The following DTNA variants were observed in gnomAD, a reference collection of about 807,000 sequenced individuals.
DTNA encodes the protein dystrobrevin alpha.
DTNA carries 43 observed loss-of-function variants against 100.7 expected under a neutral mutation model. The observed-to-expected ratio is 0.43, with a 90% CI of 0.33 to 0.55. The LOEUF is 0.55. Among genes scored for constraint, DTNA ranks in the 20% least tolerant of loss-of-function variants. DTNA has a pLI of 0.04. For synonymous variants in DTNA, 349 were observed against 347.9 expected (o/e 1.00, Z -0.04); for missense variants, 798 against 953.9 (o/e 0.84, Z 2.15).
Position 34,888,772 on chromosome 18 carries a change from C to G in DTNA, c.*1038C>G. The G allele has an allele frequency of 1.0e-6, 1 of 985,878 alleles. No homozygotes were observed. The highest frequency in any genetic ancestry group is 1.2e-6 in the Non-Finnish European group (1 of 829,938). 61.1% of individuals were successfully genotyped at this position (985,878 alleles called of 1,614,324 possible). On this transcript the variant is annotated 3_prime_UTR_variant, in exon 23 of 23. Coordinates refer to ENST00000444659, the MANE Select transcript of DTNA (RefSeq NM_001386795.1). ...AGGAAGCATGTCTTTAACAGCACCG[C>G]TCGTTCACAAGTTCCCCCATCAAGT...
intron 1 of DTNA, among the ~76,000 whole-genome samples, chr18:34,549,275 C>A (rs578068869): frequency 4.6e-5 from 7 of 152,162 alleles, no homozygotes; most frequent in South Asian, 4.2e-4. Flanking sequence ...CTTTAAATCC[C>A]ATCATACAAG....
rs191495525 is a variant in DTNA at position 34,594,127 on chromosome 18, G to A, written c.-2+100613G>A. Reference sequence around the variant, plus strand: ...AGTGTTATCTCATTAATTCCAAGCAGGTTCCCCTCCTTCAGGAAAAAAAAA... The same window carrying A: ...AGTGTTATCTCATTAATTCCAAGCAAGTTCCCCTCCTTCAGGAAAAAAAAA... On this transcript the variant is annotated intron_variant, in intron 1 of 19. Transcript: ENST00000283365. 2.6e-3 allele frequency among the ~76,000 whole-genome samples: 388 copies of A among 151,518 alleles called. 4 individuals are homozygous for A. The highest frequency in any genetic ancestry group is 8.8e-3 in the African/African-American group (361 of 41,156).
intron 3 of DTNA, among the ~76,000 whole-genome samples, chr18:34,784,148 C>T (rs558147484): frequency 6.6e-6 from 1 of 152,140 alleles, no homozygotes; most frequent in African/African-American, 2.4e-5. Flanking sequence ...AAGAACAGCC[C>T]GGGTTTCCAC....
At chr18:34,561,899 T>C (rs2046671335) in intron 1 of DTNA, among the ~76,000 whole-genome samples, 1 of 152,218 alleles carries the variant, frequency 6.6e-6, no homozygotes, top group South Asian at 2.1e-4. Context: ...TACTTATACT[T>C]GTGCCGACGG....
At position 34,818,532 on chromosome 18, in the gene DTNA, T is replaced by TCTCTTCC; in HGVS notation, c.876+202_876+203insCTCTTCC. ...TGGAACCCAGTGTAGCTTCCTGAGATTTAAAATATAGGAAGACTCAAAACT... is the reference window on the plus strand; with the variant it reads ...TGGAACCCAGTGTAGCTTCCTGAGATCTCTTCCTTAAAATATAGGAAGACTCAAAACT... On this transcript the variant is annotated intron_variant, in intron 8 of 22. Coordinates refer to ENST00000444659, the MANE Select transcript of DTNA (RefSeq NM_001386795.1). The TCTCTTCC allele has an allele frequency of 2.1e-6, 3 of 1,452,716 alleles. No individual in the cohort carries two copies. In the South Asian group the frequency reaches 4.2e-5, roughly 20 times the overall value. 90.0% of individuals were successfully genotyped at this position (1,452,716 alleles called of 1,614,324 possible). A position where few individuals can be genotyped will look rare whatever the true frequency, so the allele number is the denominator to read the frequency against.
intron 3 of DTNA, among the ~76,000 whole-genome samples, chr18:34,790,549 C>CTATATATATATATATATATATATATA (rs67141918): frequency 4.2e-5 from 4 of 96,196 alleles, no homozygotes; most frequent in African/African-American, 1.9e-4. Flanking sequence ...AAGCAGCATA[C>CTATATATATATATATATATATATATA]TATATATATA....
At chr18:34,703,623 A>T (rs1298851246) in intron 1 of DTNA, among the ~76,000 whole-genome samples, 2 of 152,194 alleles carry the variant, frequency 1.3e-5, no homozygotes, top group African/African-American at 4.8e-5. Flanking sequence ...GATTGACTCC[A>T]GGGATCTCTG....
intron 1 of DTNA, among the ~76,000 whole-genome samples, chr18:34,727,954 G>C (rs1028331003): frequency 2.0e-5 from 3 of 152,078 alleles, no homozygotes; most frequent in South Asian, 2.1e-4. Flanking sequence ...TAAGAGGGAG[G>C]GGGGGAAAAG....
intron 1 of DTNA, among the ~76,000 whole-genome samples, chr18:34,632,138 T>G (rs1363095800): frequency 6.6e-6 from 1 of 152,208 alleles, no homozygotes; most frequent in African/African-American, 2.4e-5. Context: ...TTAATCCATT[T>G]GTAATGTAAA....
chr18:34,612,228 C>T (rs2054357820), intron 1 of DTNA, among the ~76,000 whole-genome samples: 1 of 152,216 alleles, frequency 6.6e-6, no homozygotes, highest in Admixed American at 6.5e-5. Flanking sequence ...TCTACGCGTG[C>T]CTGGACCTTG....
At chr18:34,545,118 A>T (rs1468925548) in intron 1 of DTNA, among the ~76,000 whole-genome samples, 1 of 152,032 alleles carries the variant, frequency 6.6e-6, no homozygotes, top group East Asian at 1.9e-4. Context: ...ACCAAATTTC[A>T]ATTTAGAGCT....
intron 13 of DTNA, among the ~76,000 whole-genome samples, chr18:34,840,270 GTA>G (rs2096244011): frequency 6.6e-6 from 1 of 152,104 alleles, no homozygotes. Flanking sequence ...AGATTAAATA[GTA>G]TCCACTTTTT....
At chr18:34,719,444 G>T (rs1197183143) in intron 1 of DTNA, among the ~76,000 whole-genome samples, 1 of 152,114 alleles carries the variant, frequency 6.6e-6, no homozygotes, top group African/African-American at 2.4e-5. Context: ...TTTTACAGAT[G>T]AAGAAATTAA....
intron 3 of DTNA, among the ~76,000 whole-genome samples, chr18:34,785,312 C>G (rs1011283610): frequency 6.6e-6 from 1 of 152,118 alleles, no homozygotes; most frequent in Non-Finnish European, 1.5e-5. Flanking sequence ...GGAAAACAAA[C>G]CTCAAGTTAT....
intron 4 of DTNA, among the ~76,000 whole-genome samples, chr18:34,804,855 G>A (rs927018244): frequency 6.6e-6 from 1 of 152,122 alleles, no homozygotes; most frequent in African/African-American, 2.4e-5. Flanking sequence ...ATTCTGGCTG[G>A]TTGTATTTGA....
intron 1 of DTNA, among the ~76,000 whole-genome samples, chr18:34,588,313 T>G (rs2049343538): frequency 6.6e-6 from 1 of 152,122 alleles, no homozygotes; most frequent in Non-Finnish European, 1.5e-5. Context: ...AAACCTCTTT[T>G]TGAGATCCTG....
intron 4 of DTNA, among the ~76,000 whole-genome samples, chr18:34,801,897 C>G (rs1049585767): frequency 2.6e-5 from 4 of 152,206 alleles, no homozygotes. Context: ...ATTAACTGTA[C>G]TAGCAGCCTT....
intron 1 of DTNA, among the ~76,000 whole-genome samples, chr18:34,739,636 A>G (rs2147676930): frequency 6.6e-6 from 1 of 152,292 alleles, no homozygotes; most frequent in East Asian, 1.9e-4. Flanking sequence ...GGCATTCTAA[A>G]GTGTTTTTTA....
intron 1 of DTNA, among the ~76,000 whole-genome samples, chr18:34,538,172 G>A (rs1451785391): frequency 6.6e-6 from 1 of 152,044 alleles, no homozygotes; most frequent in Non-Finnish European, 1.5e-5. Flanking sequence ...TACCAGGCAA[G>A]TGCTAACAAA....
Sources: allele counts gnomAD v4.1 joint callset (sites outside exome capture counted in the v4.1 genomes callset), GRCh38; gene constraint gnomAD v4.1.1; transcripts MANE v1.5; gene names NCBI Gene and HGNC (gene_info 2026-07-23, HGNC 2026-07-21).